Variants in PLXDC2 observed in about 807,000 individuals in gnomAD.
PLXDC2 encodes plexin domain containing 2, also known as plexin domain-containing protein 2.
In PLXDC2, 40 loss-of-function variants were observed where a neutral mutation model predicts 68.9. That is an observed-to-expected ratio of 0.58 (90% confidence interval 0.45 to 0.76). PLXDC2 has a LOEUF of 0.76. Among genes scored for constraint, PLXDC2 ranks in the 30% least tolerant of loss-of-function variants. The pLI is 0.00. For synonymous variants in PLXDC2, 243 were observed against 234.2 expected, an observed-to-expected ratio of 1.04 and a Z score of -0.34; for missense variants, 644 against 661.9, an observed-to-expected ratio of 0.97 and a Z score of 0.30.
intron 2 of PLXDC2, among the ~76,000 whole-genome samples, chr10:20,011,301 A>G (rs1835110437): frequency 6.6e-6 from 1 of 152,164 alleles, no homozygotes; most frequent in Non-Finnish European, 1.5e-5. Flanking sequence ...TGCTGGGGCC[A>G]GAGTGCTGCT....
In PLXDC2 at chr10:20,284,637, T is replaced by G. The variant is rs867700907; in HGVS notation, c.*4818T>G. 5.2e-4 allele frequency: 79 copies of G among 152,084 alleles called. No homozygotes were observed. The highest frequency in any genetic ancestry group is 1.6e-3 in the African/African-American group (68 of 41,518). The allele number at this position is 152,084 out of a possible 1,614,324, so 9.4% of individuals were successfully genotyped here. On this transcript the variant is annotated 3_prime_UTR_variant, in exon 14 of 14. Coordinates refer to ENST00000377252, the MANE Select transcript of PLXDC2 (RefSeq NM_032812.9). Reference sequence around the variant, plus strand: ...GACATCATGTAATCCAACCTCTTAATGTTACAGATAAGTAAACTGAGGCCC... The same window carrying G: ...GACATCATGTAATCCAACCTCTTAAGGTTACAGATAAGTAAACTGAGGCCC...
intron 2 of PLXDC2, among the ~76,000 whole-genome samples, chr10:20,005,267 T>C (rs2131640146): frequency 6.6e-6 from 1 of 152,292 alleles, no homozygotes; most frequent in East Asian, 1.9e-4. Context: ...GGGGTTTCAG[T>C]CTGGCTCATA....
chr10:19,845,311 C>T (rs1410272557), intron 1 of PLXDC2, among the ~76,000 whole-genome samples: 2 of 152,092 alleles, frequency 1.3e-5, no homozygotes, highest in Non-Finnish European at 2.9e-5. Context: ...TGACTTCTTG[C>T]CAGATGAAAT....
rs16920092 is a variant in PLXDC2, at chr10:20,211,663, T to G, written c.1062-6T>G. The G allele has an allele frequency of 6.2e-7, 1 of 1,611,976 alleles. No individual in the cohort carries two copies. The highest frequency in any genetic ancestry group is 8.5e-7 in the Non-Finnish European group (1 of 1,178,648). ...TTTCTGAACTGCATTGTGGTCTTCT[T>G]TGAAGATGTTCCAGTGGATTTGATC... On this transcript the variant is annotated splice_polypyrimidine_tract_variant and splice_region_variant and intron_variant, in intron 9 of 13. Transcript: ENST00000377252.
intron 1 of PLXDC2, among the ~76,000 whole-genome samples, chr10:19,948,596 CTG>C (rs1833943023): frequency 6.6e-6 from 1 of 151,814 alleles, no homozygotes; most frequent in African/African-American, 2.4e-5. Flanking sequence ...AAATGTGTGA[CTG>C]TGTGGCGTTT....
chr10:20,150,551 C>G (rs1330410880), intron 6 of PLXDC2, among the ~76,000 whole-genome samples: 1 of 152,090 alleles, frequency 6.6e-6, no homozygotes, highest in Non-Finnish European at 1.5e-5. Flanking sequence ...AGGACTTATT[C>G]ATTTCTAGTT....
At position 19,883,884 on chromosome 10, in the gene PLXDC2, CTTTTTTTTTT is replaced by C. The variant is rs397846779; in HGVS notation, c.112+66711_112+66720del. Among the ~76,000 whole-genome samples, 34 of 55,100 alleles carry C rather than the reference CTTTTTTTTTT, an allele frequency of 6.2e-4. 1 individual carries two copies. The highest frequency in any genetic ancestry group is 1.9e-3 in the South Asian group (2 of 1,032). The allele number at this position is 55,100 out of a possible 152,430, so 36.1% of individuals were successfully genotyped here. Reference sequence around the variant, plus strand: ...ATTACTGTCTCCAGATCCCTTTAAACTTTTTTTTTTTTTTTTTTTTTTTTTTTAGCAGACA... The same window carrying C: ...ATTACTGTCTCCAGATCCCTTTAAACTTTTTTTTTTTTTTTTTAGCAGACA... On this transcript the variant is annotated intron_variant, in intron 1 of 13. Transcript: ENST00000377252.
At chr10:19,938,268 C>G (rs1833761717) in intron 1 of PLXDC2, among the ~76,000 whole-genome samples, 1 of 152,022 alleles carries the variant, frequency 6.6e-6, no homozygotes, top group Non-Finnish European at 1.5e-5. Flanking sequence ...GTTTCAGTGA[C>G]CTGGTACCAT....
intron 1 of PLXDC2, among the ~76,000 whole-genome samples, chr10:19,830,352 G>A (rs1314678268): frequency 6.6e-6 from 1 of 152,182 alleles, no homozygotes; most frequent in East Asian, 1.9e-4. Flanking sequence ...ACTTGCTGAC[G>A]TTTTAATCCG....
intron 2 of PLXDC2, among the ~76,000 whole-genome samples, chr10:20,009,010 G>C (rs1344156750): frequency 6.6e-6 from 1 of 152,074 alleles, no homozygotes; most frequent in African/African-American, 2.4e-5. Context: ...CTTGAAAACG[G>C]ACTAATACAA....
chr10:19,979,848 G>A lies in PLXDC2; in HGVS notation c.113-21927G>A, dbSNP rs556726994. On this transcript the variant is annotated intron_variant, in intron 1 of 13. Transcript: ENST00000377252. ...CTTCCTAAAATAAACTTGCCCCTCG[G>A]CATTTCCACAGTGGAGAAATGACTA... Among the ~76,000 whole-genome samples the A allele has an allele frequency of 5.9e-5, 9 of 152,304 alleles. No individual in the cohort carries two copies. The South Asian group carries it at 1.9e-3, about 32-fold the overall frequency.
chr10:20,022,323 T>C (rs1232607054), intron 2 of PLXDC2, among the ~76,000 whole-genome samples: 3 of 152,118 alleles, frequency 2.0e-5, no homozygotes, highest in African/African-American at 4.8e-5. Flanking sequence ...TCGGGTTAGA[T>C]AGAAATAAAG....
intron 4 of PLXDC2, among the ~76,000 whole-genome samples, chr10:20,123,707 C>T (rs530013235): frequency 6.6e-6 from 1 of 151,302 alleles, no homozygotes; most frequent in Non-Finnish European, 1.5e-5. Flanking sequence ...TTCGGGGGTT[C>T]TTACCCTCCA....
At chr10:19,856,323 T>C (rs1390411770) in intron 1 of PLXDC2, among the ~76,000 whole-genome samples, 1 of 151,976 alleles carries the variant, frequency 6.6e-6, no homozygotes, top group Non-Finnish European at 1.5e-5. Context: ...AAAAGTGATT[T>C]TTATTAAAGA....
At chr10:20,212,224 G>A (rs1199712414) in intron 10 of PLXDC2, among the ~76,000 whole-genome samples, 3 of 151,986 alleles carry the variant, frequency 2.0e-5, no homozygotes, top group Non-Finnish European at 4.4e-5. Flanking sequence ...CGAAACCATT[G>A]TTCCTCTTTG....
At chr10:19,866,820 G>T (rs1837425320) in intron 1 of PLXDC2, among the ~76,000 whole-genome samples, 1 of 152,166 alleles carries the variant, frequency 6.6e-6, no homozygotes, top group Non-Finnish European at 1.5e-5. Context: ...AATACATGGA[G>T]GTTATACATT....
At chr10:20,069,384 C>T (rs1836277686) in intron 4 of PLXDC2, among the ~76,000 whole-genome samples, 1 of 152,112 alleles carries the variant, frequency 6.6e-6, no homozygotes, top group Non-Finnish European at 1.5e-5. Context: ...GAAATATGCC[C>T]AGGTGCAGTG....
chr10:20,274,596 A>G (rs544053246), intron 13 of PLXDC2, among the ~76,000 whole-genome samples: 35 of 152,290 alleles, frequency 2.3e-4, no homozygotes, highest in African/African-American at 8.2e-4. Flanking sequence ...AAAATGTGCA[A>G]AGATCACCCA....
At chr10:19,913,338 C>T (rs537679803) in intron 1 of PLXDC2, among the ~76,000 whole-genome samples, 6 of 152,014 alleles carry the variant, frequency 3.9e-5, no homozygotes, top group Non-Finnish European at 8.8e-5. Flanking sequence ...TTCCTTCCAC[C>T]GTGATTGTAA....
Sources: allele counts gnomAD v4.1 joint callset (sites outside exome capture counted in the v4.1 genomes callset), GRCh38; gene constraint gnomAD v4.1.1; transcripts MANE v1.5; gene names NCBI Gene and HGNC (gene_info 2026-07-23, HGNC 2026-07-21).